The following SUPT5H variants were observed in gnomAD, a reference collection of about 807,000 sequenced individuals.
The protein encoded by SUPT5H is SPT5 homolog, DSIF elongation factor subunit.
A neutral mutation model predicts 142.5 loss-of-function variants in SUPT5H; 24 were observed. The ratio of observed to expected loss-of-function variants is 0.17; its 90% CI spans 0.12 to 0.24. The LOEUF is 0.24. Ranked by LOEUF, SUPT5H falls within the 10% of genes least tolerant of loss-of-function variation. The probability of loss-of-function intolerance (pLI) is 1.00; values close to 1 mark genes in which losing one functional copy is unlikely to be tolerated. For missense variants in SUPT5H, 893 were observed against 1,471.8 expected (o/e 0.61, Z 6.43); for synonymous variants, 546 against 553.0 (o/e 0.99, Z 0.18).
At chr19:39,457,573 G>A (rs192613147) in intron 3 of SUPT5H, 102 bp from the exon 4 acceptor site, 36 of 1,550,202 alleles carry the variant, frequency 2.3e-5, no homozygotes, top group Admixed American at 3.6e-5. Context: ...TGCTCTGTGC[G>A]GTGGGGATTT....
At position 39,471,397 on chromosome 19, in the gene SUPT5H, A is replaced by C; in HGVS notation, c.1718A>C (p.Gln573Pro). Residue 573 changes from glutamine (Q) to proline (P), a missense_variant, in exon 19 of 30, where the codon CAG becomes CCG. Coordinates refer to ENST00000432763, the MANE Select transcript of SUPT5H (RefSeq NM_001111020.3). ...MYGKVVTVRH[Q>P]AVTRKKDNRF... is the part of the protein sequence containing the mutation. ...GGGAAGGTGGTGACTGTCAGACATCAGGCTGTGACCCGGAAGAAGGACAAC... is the reference window on the plus strand; with the variant it reads ...GGGAAGGTGGTGACTGTCAGACATCCGGCTGTGACCCGGAAGAAGGACAAC... 6.2e-7 allele frequency: 1 copy of C among 1,614,242 alleles called. No individual in the cohort carries two copies. The highest frequency in any genetic ancestry group is 1.1e-5 in the South Asian group (1 of 91,086).
chr19:39,459,159 T>C, intron 7 of SUPT5H, 25 bp from the exon 8 acceptor site: 2 of 1,609,466 alleles, frequency 1.2e-6, no homozygotes, highest in Non-Finnish European at 1.7e-6. Context: ...GCTTCACCCC[T>C]TCCTGACTGC....
intron 11 of SUPT5H, among the ~76,000 whole-genome samples, chr19:39,465,583 T>C (rs557529728): frequency 6.6e-6 from 1 of 152,312 alleles, no homozygotes; most frequent in Non-Finnish European, 1.5e-5. Context: ...TTATGTCAGC[T>C]GGGGAGGGGG....
intron 3 of SUPT5H, among the ~76,000 whole-genome samples, chr19:39,455,925 C>CTTTTT (rs34762912): frequency 1.1e-5 from 1 of 91,150 alleles, no homozygotes; most frequent in Non-Finnish European, 2.0e-5. Flanking sequence ...CCCGCCTCTT[C>CTTTTT]TTTTTTTTTT....
In SUPT5H at chr19:39,469,546, C is replaced by G; in HGVS notation, c.1374+148C>G. ...CTAGCATTCTCAGGTGCCTGAGAGG[C>G]TCTGTCTGAGTGCAGCTCAGGGTCG... On this transcript the variant is annotated intron_variant, in intron 16 of 29. Coordinates refer to ENST00000432763, the MANE Select transcript of SUPT5H (RefSeq NM_001111020.3). The surrounding 1 kb of genome is among the most constrained non-coding windows in gnomAD (Gnocchi z 5.1). 1 of 1,186,694 alleles carries G rather than the reference C, an allele frequency of 8.4e-7. No individual in the cohort carries two copies. Among genetic ancestry groups the G allele is most frequent in the Non-Finnish European group, 1.2e-6 (1 of 844,584 alleles). 73.5% of individuals were successfully genotyped at this position (1,186,694 alleles called of 1,614,324 possible). A position where few individuals can be genotyped will look rare whatever the true frequency, so the allele number is the denominator to read the frequency against.
chr19:39,456,251 A>G (rs1204058514), intron 3 of SUPT5H, among the ~76,000 whole-genome samples: 2 of 146,894 alleles, frequency 1.4e-5, no homozygotes, highest in Admixed American at 1.4e-4. Context: ...TTTTTTAAAG[A>G]CAGGATCTCA....
intron 10 of SUPT5H, 117 bp downstream of exon 10, chr19:39,460,077 G>A: frequency 1.0e-6 from 1 of 966,802 alleles, no homozygotes; most frequent in Non-Finnish European, 1.6e-6. Context: ...CCTGCTGAGT[G>A]AGCTGCTTGA....
rs769153629 is a variant in SUPT5H at position 39,470,739 on chromosome 19, G to A, written c.1677+216G>A. ...CCTATAAAATGGAAACGAGAGCAGC[G>A]TCTACTTTGTTCATAGTGAATGATT... is the stretch of plus-strand genomic sequence containing the variant. On this transcript the variant is annotated intron_variant, in intron 18 of 29. Transcript: ENST00000432763. This position sits in a 1 kb window ranked among gnomAD's most constrained non-coding sequence, Gnocchi z 5.8. Among the ~76,000 whole-genome samples, 7 of 152,150 alleles carry A rather than the reference G, an allele frequency of 4.6e-5. No homozygotes were observed. Among genetic ancestry groups the A allele is most frequent in the South Asian group, 2.1e-4 (1 of 4,824 alleles).
At position 39,473,912 on chromosome 19, in the gene SUPT5H, A is replaced by G; in HGVS notation, c.2493-51A>G. 6.2e-7 allele frequency: 1 copy of G among 1,612,468 alleles called. No homozygotes were observed. Among genetic ancestry groups the G allele is most frequent in the Non-Finnish European group, 8.5e-7 (1 of 1,178,978 alleles). The stretch of plus-strand genomic sequence containing the variant: ...TGGTGTAGGGTGCTGTTCTGGAAGC[A>G]TCCATCGCATTATCACCACAGTCGC... On this transcript the variant is annotated intron_variant, in intron 25 of 29. Transcript: ENST00000432763. This position sits in a 1 kb window ranked among gnomAD's most constrained non-coding sequence, Gnocchi z 5.8.
In SUPT5H at chr19:39,473,516, G is replaced by A. The variant is rs755571876; in HGVS notation, c.2487G>A (p.Pro829=). The A allele has an allele frequency of 4.5e-5, 72 of 1,609,246 alleles. No homozygotes were observed. The highest frequency in any genetic ancestry group is 1.4e-4 in the South Asian group (13 of 91,050). Reference sequence around the variant, plus strand: ...GGGACCCCAACAACCCCAACACGCCGTCACGGTGAGTCCAGGGTTCCCCAG... The same window carrying A: ...GGGACCCCAACAACCCCAACACGCCATCACGGTGAGTCCAGGGTTCCCCAG... The part of the protein sequence containing the change: ...GAWDPNNPNT[P]SRAEEEYEYA... The change falls in exon 25 of 30, where the codon CCG becomes CCA. Residue 829 remains proline, a synonymous_variant. Transcript: ENST00000432763. This position sits in a 1 kb window ranked among gnomAD's most constrained non-coding sequence, Gnocchi z 5.8.
chr19:39,445,933 A>C lies in SUPT5H; in HGVS notation c.43A>C (p.Ser15Arg). Reference protein sequence around the residue: ...EDSNFSEEEDSERSSDGEEAE... With the variant: ...EDSNFSEEEDRERSSDGEEAE... ...CAGCAACTTTTCCGAGGAGGAGGAC[A>C]GCGAGCGCAGCAGTGACGGCGAGGA... Residue 15 changes from serine (S) to arginine (R), a missense_variant, in exon 2 of 30, where the codon AGC becomes CGC. Transcript: ENST00000432763. 1 of 1,613,626 alleles carries C rather than the reference A, an allele frequency of 6.2e-7. No homozygotes were observed. The highest frequency in any genetic ancestry group is 8.5e-7 in the Non-Finnish European group (1 of 1,180,006).
intron 2 of SUPT5H, 98 bp downstream of exon 2, chr19:39,446,063 T>C (rs1019752807): frequency 7.6e-7 from 1 of 1,310,782 alleles, no homozygotes; most frequent in Non-Finnish European, 1.1e-6. Context: ...CAGCGGGCTC[T>C]GGCTTCTGGG....
Position 39,472,483 on chromosome 19 carries a change from C to T in SUPT5H, c.2025C>T (p.Pro675=). Residue 675 remains proline (P), a synonymous_variant, in exon 21 of 30, where the codon CCC becomes CCT. Coordinates refer to ENST00000432763, the MANE Select transcript of SUPT5H (RefSeq NM_001111020.3). This position sits in a 1 kb window ranked among gnomAD's most constrained non-coding sequence, Gnocchi z 4.2. ...MSPRISSPMH[P]SAGGQRGGFG... ...CCCGGATCAGCAGCCCCATGCACCC[C>T]AGTGCTGGAGGTGAGAGGGGTTCAG... is the stretch of plus-strand genomic sequence containing the variant. 1 of 1,613,996 alleles carries T rather than the reference C, an allele frequency of 6.2e-7. No individual in the cohort carries two copies. The highest frequency in any genetic ancestry group is 1.1e-5 in the South Asian group (1 of 91,082).
chr19:39,466,612 C>CG lies in SUPT5H; in HGVS notation c.966+44dup. ...TGGCCTGGGGGGGAGGGAGTGTGCT[C>CG]GATCCCACTGGTGGCCAAGCCCCCT... is the stretch of plus-strand genomic sequence containing the variant. On this transcript the variant is annotated intron_variant, in intron 12 of 29. Coordinates refer to ENST00000432763, the MANE Select transcript of SUPT5H (RefSeq NM_001111020.3). This position sits in a 1 kb window ranked among gnomAD's most constrained non-coding sequence, Gnocchi z 4.3. 6.2e-7 allele frequency: 1 copy of CG among 1,613,082 alleles called. No homozygotes were observed. The highest frequency in any genetic ancestry group is 2.2e-5 in the East Asian group (1 of 44,858).
intron 2 of SUPT5H, among the ~76,000 whole-genome samples, chr19:39,451,333 C>T (rs1193506748): frequency 6.6e-6 from 1 of 150,646 alleles, no homozygotes; most frequent in Admixed American, 6.6e-5. Flanking sequence ...GGACTACAGG[C>T]GTGCCACCAT....
At chr19:39,468,882 T>C (rs773492765) in intron 14 of SUPT5H, 21 bp downstream of exon 14, 9 of 1,610,470 alleles carry the variant, frequency 5.6e-6, no homozygotes, top group Middle Eastern at 1.6e-4. Context: ...CAGAGGGGTG[T>C]TGGTAATGGG....
chr19:39,456,795 G>A (rs2079096695), intron 3 of SUPT5H, among the ~76,000 whole-genome samples: 1 of 152,102 alleles, frequency 6.6e-6, no homozygotes, highest in Non-Finnish European at 1.5e-5. Context: ...CTGGGCTCAA[G>A]TGATCTTCCC....
At chr19:39,460,192 C>G in intron 10 of SUPT5H, 1 of 534,508 alleles carries the variant, frequency 1.9e-6, no homozygotes, top group Non-Finnish European at 3.4e-6. Flanking sequence ...CCCTTGTAGC[C>G]CTTTGGAAGT....
rs1470356629 is a variant in SUPT5H, at chr19:39,458,152, C to T, written c.308-142C>T. On this transcript the variant is annotated intron_variant, in intron 4 of 29. Transcript: ENST00000432763. This position sits in a 1 kb window ranked among gnomAD's most constrained non-coding sequence, Gnocchi z 4.2. ...CCTTTACTTTTGGTTTTCAACCTTTCTGTGTCCCTCCCTTCCCCTCCCCCA... is the reference window on the plus strand; with the variant it reads ...CCTTTACTTTTGGTTTTCAACCTTTTTGTGTCCCTCCCTTCCCCTCCCCCA... The T allele has an allele frequency of 5.0e-6, 7 of 1,389,946 alleles. No homozygotes were observed. The highest frequency in any genetic ancestry group is 6.7e-6 in the Non-Finnish European group (7 of 1,042,962). The allele number at this position is 1,389,946 out of a possible 1,614,324, so 86.1% of individuals were successfully genotyped here. A position where few individuals can be genotyped will look rare whatever the true frequency, so the allele number is the denominator to read the frequency against.
Sources: allele counts gnomAD v4.1 joint callset (sites outside exome capture counted in the v4.1 genomes callset), GRCh38; gene constraint gnomAD v4.1.1; non-coding constraint Gnocchi (gnomAD v3.1); transcripts MANE v1.5; gene names NCBI Gene and HGNC (gene_info 2026-07-23, HGNC 2026-07-21).